The following PCDHGB3 variants were observed in gnomAD, a reference collection of about 807,000 sequenced individuals.
The protein encoded by PCDHGB3 is protocadherin gamma-B3.
A neutral mutation model predicts 59.2 loss-of-function variants in PCDHGB3; 40 were observed. The ratio of observed to expected loss-of-function variants is 0.68; its 90% confidence interval spans 0.52 to 0.88. The LOEUF (loss-of-function observed/expected upper bound fraction) is 0.88, where lower values mean the gene tolerates loss of function less well. Among genes scored for constraint, PCDHGB3 ranks in the 40% least tolerant of loss-of-function variants. The pLI, the probability that PCDHGB3 is intolerant of heterozygous loss-of-function variation, is 0.00. For missense variants in PCDHGB3, 1,309 were observed against 1,187.9 expected (o/e 1.10, Z -1.50); for synonymous variants, 581 against 503.6 (o/e 1.15, Z -2.06).
chr5:141,505,322 G>A, intron 2 of PCDHGB3, 71 bp from the exon 3 acceptor site: 1 of 1,606,332 alleles, frequency 6.2e-7, no homozygotes, highest in African/African-American at 1.3e-5. Context: ...TGGGAGCCCT[G>A]GGAGAGGACA....
chr5:141,402,704 T>C (rs1237933133), intron 1 of PCDHGB3, among the ~76,000 whole-genome samples: 1 of 152,216 alleles, frequency 6.6e-6, no homozygotes, highest in East Asian at 1.9e-4. Flanking sequence ...TCAGTGGGTG[T>C]AGTAACGGCT....
intron 1 of PCDHGB3, chr5:141,471,433 T>C (rs2099257619): frequency 6.6e-6 from 1 of 152,162 alleles, no homozygotes; most frequent in African/African-American, 2.4e-5. Flanking sequence ...GGAAAGTGTA[T>C]AATCTCATGT....
chr5:141,505,089 G>A (rs1562219081), intron 2 of PCDHGB3, among the ~76,000 whole-genome samples: 1 of 152,208 alleles, frequency 6.6e-6, no homozygotes, highest in Non-Finnish European at 1.5e-5. Context: ...TTGAACCCAG[G>A]AGGTGGATGT....
At chr5:141,494,514 G>T (rs1457018569) in intron 1 of PCDHGB3, among the ~76,000 whole-genome samples, 2 of 152,160 alleles carry the variant, frequency 1.3e-5, no homozygotes, top group South Asian at 2.1e-4. Context: ...TTTTGGCTCA[G>T]GAGTTCTGAC....
intron 1 of PCDHGB3, chr5:141,417,615 A>G (rs908930043): frequency 3.2e-6 from 2 of 629,140 alleles, no homozygotes; most frequent in Non-Finnish European, 5.1e-6. Flanking sequence ...CGGCCAGTGC[A>G]GAGCAAGCGC....
Position 141,476,610 on chromosome 5 carries a change from G to A in PCDHGB3, c.2416-18197G>A, listed in dbSNP as rs769858609. ...GAGAGCGCGCACGATCCCGATGTGGGAAGCAACTCTTTACAAACCTATGAG... is the reference window on the plus strand; with the variant it reads ...GAGAGCGCGCACGATCCCGATGTGGAAAGCAACTCTTTACAAACCTATGAG... On this transcript the variant is annotated intron_variant, in intron 1 of 3. Coordinates refer to ENST00000576222, the MANE Select transcript of PCDHGB3 (RefSeq NM_018924.5). The surrounding 1 kb of genome is among the most constrained non-coding windows in gnomAD (Gnocchi z 7.6). The A allele has an allele frequency of 1.2e-6, 2 of 1,614,262 alleles. No homozygotes were observed. The highest frequency in any genetic ancestry group is 3.3e-5 in the Admixed American group (2 of 60,036).
chr5:141,371,143 A>G lies in PCDHGB3; in HGVS notation c.749A>G (p.Asn250Ser), dbSNP rs199674539. The G allele has an allele frequency of 2.2e-4, 355 of 1,613,904 alleles. No homozygotes were observed. The highest frequency in any genetic ancestry group is 4.9e-4 in the Middle Eastern group (3 of 6,084). ...TTTACTCAGGACATGTACAGGGTCA[A>G]TGTTGCAGAGAACCTGCCCGCTGGC... ...PVFTQDMYRV[N>S]VAENLPAGSS... Residue 250 changes from asparagine (N) to serine (S), a missense_variant, in exon 1 of 4, where the codon AAT becomes AGT. Physicochemically the swap from Asn to Ser is conservative, Grantham distance 46. Coordinates refer to ENST00000576222, the MANE Select transcript of PCDHGB3 (RefSeq NM_018924.5).
intron 1 of PCDHGB3, chr5:141,478,583 C>CT (rs754743497): frequency 5.7e-6 from 9 of 1,578,146 alleles, no homozygotes; most frequent in South Asian, 1.1e-5. Flanking sequence ...CCTGTTAGTG[C>CT]TTTTTTATTC....
At chr5:141,396,955 C>T (rs1476582665) in intron 1 of PCDHGB3, among the ~76,000 whole-genome samples, 2 of 152,156 alleles carry the variant, frequency 1.3e-5, no homozygotes, top group Non-Finnish European at 2.9e-5. Context: ...AAAGAAAATC[C>T]TTACTCTCCC....
intron 1 of PCDHGB3, chr5:141,475,986 G>T: frequency 2.8e-6 from 3 of 1,089,866 alleles, no homozygotes; most frequent in Non-Finnish European, 3.9e-6. Context: ...CAGCCGGCGA[G>T]CAAATCAACG....
chr5:141,399,332 C>T (rs2093787388), intron 1 of PCDHGB3: 1 of 1,613,994 alleles, frequency 6.2e-7, no homozygotes, highest in Non-Finnish European at 8.5e-7. Flanking sequence ...AAGTTGGTAA[C>T]AGATGGAACC....
chr5:141,454,860 T>G (rs62379170), intron 1 of PCDHGB3, among the ~76,000 whole-genome samples: 5,850 of 133,200 alleles, frequency 0.044, 153 homozygotes, highest in Middle Eastern at 0.11. Context: ...CAGGCTGGAG[T>G]GCAGTGGCAC....
chr5:141,489,666 C>A lies in PCDHGB3; in HGVS notation c.2416-5141C>A. On this transcript the variant is annotated intron_variant, in intron 1 of 3. Transcript: ENST00000576222. The surrounding 1 kb of genome is among the most constrained non-coding windows in gnomAD (Gnocchi z 4.5). ...CCACCCCTGAGCGAGAGATGCGCAT[C>A]TCAGAATCAGCAGCATCTGGGGCAC... 1.2e-6 allele frequency: 2 copies of A among 1,614,222 alleles called. No homozygotes were observed. Among genetic ancestry groups the A allele is most frequent in the Non-Finnish European group, 1.7e-6 (2 of 1,180,036 alleles).
At chr5:141,510,334 C>G (rs1463634534) in intron 3 of PCDHGB3, among the ~76,000 whole-genome samples, 1 of 151,448 alleles carries the variant, frequency 6.6e-6, no homozygotes, top group African/African-American at 2.4e-5. Context: ...TCTTCACCCC[C>G]ACCCCACACA....
chr5:141,506,434 C>A lies in PCDHGB3; in HGVS notation c.2563+953C>A, dbSNP rs139627189. Among the ~76,000 whole-genome samples the A allele has an allele frequency of 8.5e-4, 112 of 131,752 alleles. 2 individuals are homozygous for A. The highest frequency in any genetic ancestry group is 3.3e-3 in the African/African-American group (107 of 32,408). 86.4% of individuals were successfully genotyped at this position (131,752 alleles called of 152,430 possible). ...TGCACTCCAGCCTGGGCAACAGTCT[C>A]GCTCTGTCTCAAAAAAAAAAAAAAA... On this transcript the variant is annotated intron_variant, in intron 3 of 3. Transcript: ENST00000576222.
chr5:141,492,386 G>C (rs1343104703), intron 1 of PCDHGB3, among the ~76,000 whole-genome samples: 1 of 152,202 alleles, frequency 6.6e-6, no homozygotes, highest in African/African-American at 2.4e-5. Context: ...GCCTGTTCCG[G>C]TCCACTCGCA....
rs371807105 is a variant in PCDHGB3 at position 141,476,586 on chromosome 5, A to G, written c.2416-18221A>G. ...GCTCCGGGGACGCGCTTTCCGCTCG[A>G]GAGCGCGCACGATCCCGATGTGGGA... is the stretch of plus-strand genomic sequence containing the variant. On this transcript the variant is annotated intron_variant, in intron 1 of 3. Coordinates refer to ENST00000576222, the MANE Select transcript of PCDHGB3 (RefSeq NM_018924.5). This position sits in a 1 kb window ranked among gnomAD's most constrained non-coding sequence, Gnocchi z 7.6. The G allele has an allele frequency of 6.2e-7, 1 of 1,614,222 alleles. No homozygotes were observed. The highest frequency in any genetic ancestry group is 8.5e-7 in the Non-Finnish European group (1 of 1,180,032).
intron 1 of PCDHGB3, chr5:141,383,733 A>G (rs770047743): frequency 6.8e-6 from 11 of 1,613,886 alleles, no homozygotes; most frequent in South Asian, 6.6e-5. Flanking sequence ...GGGAAGTGAC[A>G]TATTCTTTTC....
At position 141,491,711 on chromosome 5, in the gene PCDHGB3, C is replaced by T. The variant is rs528931820; in HGVS notation, c.2416-3096C>T. 1.5e-5 allele frequency: 24 copies of T among 1,609,240 alleles called. No homozygotes were observed. In the African/African-American group the frequency reaches 1.7e-4, roughly 12 times the overall value. On this transcript the variant is annotated intron_variant, in intron 1 of 3. Transcript: ENST00000576222. This position sits in a 1 kb window ranked among gnomAD's most constrained non-coding sequence, Gnocchi z 6.9. ...CGGGAGCGGAGCCAGGTGAGGGGCT[C>T]GGCGCCGCCCCGGGCGACCCCTGGG... is the stretch of plus-strand genomic sequence containing the variant.
Sources: allele counts gnomAD v4.1 joint callset (sites outside exome capture counted in the v4.1 genomes callset), GRCh38; gene constraint gnomAD v4.1.1; non-coding constraint Gnocchi (gnomAD v3.1); transcripts MANE v1.5; gene names NCBI Gene and HGNC (gene_info 2026-07-23, HGNC 2026-07-21).